WWOX: variants seen among roughly 807,000 people sequenced by gnomAD.
WWOX encodes WW domain-containing oxidoreductase.
Under a neutral mutation model 46.2 loss-of-function variants are expected in WWOX, and 69 were observed. That is an observed-to-expected ratio of 1.49 (90% CI 1.23 to 1.82). The LOEUF (loss-of-function observed/expected upper bound fraction) is 1.82. WWOX is among the 40% of genes most tolerant of loss of function. The pLI is 0.00. For missense variants in WWOX, 919 were observed against 542.6 expected, an observed-to-expected ratio of 1.69 and a Z score of -6.89; for synonymous variants, 359 against 202.6, an observed-to-expected ratio of 1.77 and a Z score of -6.56.
rs555354049 is a variant in WWOX at position 78,699,006 on chromosome 16, C to CT, written c.1056+266262dup. ...TTATTCTAGAATAGGACTTGACAGA[C>CT]TTTTTTTTAAATAAAATGCCAGATA... On this transcript the variant is annotated intron_variant, in intron 8 of 8. Coordinates refer to ENST00000566780, the MANE Select transcript of WWOX (RefSeq NM_016373.4). Among the ~76,000 whole-genome samples, 682 of 152,244 alleles carry CT rather than the reference C, an allele frequency of 4.5e-3. 3 individuals are homozygous for CT. The highest frequency in any genetic ancestry group is 0.016 in the African/African-American group (645 of 41,512).
chr16:78,527,122 C>G (rs1378257612), intron 8 of WWOX, among the ~76,000 whole-genome samples: 1 of 152,064 alleles, frequency 6.6e-6, no homozygotes, highest in African/African-American at 2.4e-5. Flanking sequence ...GAGATCATGC[C>G]ATTGCACTCC....
At chr16:78,850,663 C>T (rs908866987) in intron 8 of WWOX, among the ~76,000 whole-genome samples, 8 of 152,128 alleles carry the variant, frequency 5.3e-5, no homozygotes, top group Admixed American at 2.0e-4. Context: ...TATGTAATGA[C>T]GAGCCTCATC....
chr16:78,831,492 TAC>T (rs1386856687), intron 8 of WWOX, among the ~76,000 whole-genome samples: 1 of 152,190 alleles, frequency 6.6e-6, no homozygotes, highest in Non-Finnish European at 1.5e-5. Flanking sequence ...GCTTTGAGTA[TAC>T]ACTGGTACCC....
At chr16:78,422,762 T>TATATATACACAC (rs1567563506) in intron 6 of WWOX, among the ~76,000 whole-genome samples, 4 of 111,968 alleles carry the variant, frequency 3.6e-5, no homozygotes, top group African/African-American at 1.1e-4. Flanking sequence ...TATATACACA[T>TATATATACACAC]ATATATACAC....
At chr16:78,352,327 C>T (rs1055484622) in intron 5 of WWOX, among the ~76,000 whole-genome samples, 1 of 152,178 alleles carries the variant, frequency 6.6e-6, no homozygotes, top group Non-Finnish European at 1.5e-5. Context: ...TTACACTTTA[C>T]AGTTTTGGAG....
intron 1 of WWOX, chr16:78,100,204 C>T (rs2031670998): frequency 8.4e-7 from 1 of 1,188,502 alleles, no homozygotes; most frequent in Non-Finnish European, 1.1e-6. Flanking sequence ...AGCGCACATG[C>T]TCAGCTCCCT....
intron 8 of WWOX, among the ~76,000 whole-genome samples, chr16:78,493,933 A>G (rs993886322): frequency 6.6e-6 from 1 of 152,198 alleles, no homozygotes; most frequent in Non-Finnish European, 1.5e-5. Context: ...AGAAGTTTAT[A>G]ATAATTGGAA....
In WWOX at chr16:78,724,309, T is replaced by C. The variant is rs574385309; in HGVS notation, c.1056+291557T>C. On this transcript the variant is annotated intron_variant, in intron 8 of 8. Coordinates refer to ENST00000566780, the MANE Select transcript of WWOX (RefSeq NM_016373.4). ...ATACAGTAGTTGGATTCATTATCTC[T>C]GTGATTAACTTGCATAAAAAAGAGA... 2.0e-5 allele frequency among the ~76,000 whole-genome samples: 3 copies of C among 152,338 alleles called. No individual in the cohort carries two copies. In the South Asian group the frequency reaches 6.2e-4, roughly 32 times the overall value.
chr16:78,957,474 G>A (rs576410628), intron 8 of WWOX, among the ~76,000 whole-genome samples: 20 of 152,256 alleles, frequency 1.3e-4, no homozygotes, highest in African/African-American at 3.6e-4. Context: ...TAGGGATGTC[G>A]CCTGTGTTTG....
chr16:78,261,782 ATCTATC>A (rs2079242401), intron 5 of WWOX, among the ~76,000 whole-genome samples: 45 of 43,442 alleles, frequency 1.0e-3, no homozygotes, highest in East Asian at 8.2e-3. Flanking sequence ...GTATCTATCT[ATCTATC>A]TATATATATA....
Position 78,777,955 on chromosome 16 carries a change from G to A in WWOX, c.1056+345203G>A, listed in dbSNP as rs139838947. ...AACTGCTCAGAATGCTAAGGTAGGA[G>A]AATCGCTTGAACCCAGGAGGTGGAA... is the stretch of plus-strand genomic sequence containing the variant. On this transcript the variant is annotated intron_variant, in intron 8 of 8. Transcript: ENST00000566780. Among the ~76,000 whole-genome samples, 567 of 145,936 alleles carry A rather than the reference G, an allele frequency of 3.9e-3. 6 individuals are homozygous for A. Among genetic ancestry groups the A allele is most frequent in the African/African-American group, 0.014 (552 of 39,584 alleles).
At chr16:78,985,335 C>G (rs888337351) in intron 8 of WWOX, among the ~76,000 whole-genome samples, 1 of 152,194 alleles carries the variant, frequency 6.6e-6, no homozygotes, top group African/African-American at 2.4e-5. Flanking sequence ...CACCGGCACG[C>G]AGGGTGTTGT....
At chr16:78,533,776 T>G (rs116060452) in intron 8 of WWOX, among the ~76,000 whole-genome samples, 2,163 of 152,286 alleles carry the variant, frequency 0.014, 22 homozygotes, top group African/African-American at 0.027. Context: ...GATGAAGTTG[T>G]AGGCCCCTCC....
chr16:78,938,269 A>G lies in WWOX; in HGVS notation c.1057-273339A>G, dbSNP rs111719165. Among the ~76,000 whole-genome samples the G allele has an allele frequency of 6.5e-3, 984 of 152,310 alleles. 18 individuals carry two copies. Among genetic ancestry groups the G allele is most frequent in the African/African-American group, 0.022 (919 of 41,560 alleles). ...GGTGAGGTGGGGAAAGACAGGAAGT[A>G]GATCAGTGTTGCCCAGACCCTACCT... On this transcript the variant is annotated intron_variant, in intron 8 of 8. Transcript: ENST00000566780.
At chr16:78,822,627 G>T (rs750186710) in intron 8 of WWOX, among the ~76,000 whole-genome samples, 5 of 152,138 alleles carry the variant, frequency 3.3e-5, no homozygotes, top group South Asian at 2.1e-4. Context: ...CAGTGGTCAC[G>T]TGTTCCTAAT....
At chr16:79,160,172 A>G (rs1350745748) in intron 8 of WWOX, among the ~76,000 whole-genome samples, 3 of 152,210 alleles carry the variant, frequency 2.0e-5, no homozygotes, top group Non-Finnish European at 4.4e-5. Context: ...CCAAATGAAC[A>G]CTGGTCTGTT....
chr16:78,787,781 C>T (rs1486669734), intron 8 of WWOX, among the ~76,000 whole-genome samples: 1 of 152,190 alleles, frequency 6.6e-6, no homozygotes, highest in African/African-American at 2.4e-5. Flanking sequence ...TATATTTCCA[C>T]TTGCAGTATA....
chr16:79,095,972 C>G (rs527914576), intron 8 of WWOX, among the ~76,000 whole-genome samples: 1 of 149,014 alleles, frequency 6.7e-6, no homozygotes, highest in Non-Finnish European at 1.5e-5. Flanking sequence ...ACCTCAGCCT[C>G]CCTAGTAGCT....
intron 8 of WWOX, among the ~76,000 whole-genome samples, chr16:78,656,932 G>A (rs2047094716): frequency 1.3e-5 from 2 of 152,194 alleles, no homozygotes; most frequent in Non-Finnish European, 2.9e-5. Flanking sequence ...CCGCTGCTCT[G>A]ACCATCATGG....
Sources: allele counts gnomAD v4.1 joint callset (sites outside exome capture counted in the v4.1 genomes callset), GRCh38; gene constraint gnomAD v4.1.1; transcripts MANE v1.5; gene names NCBI Gene and HGNC (gene_info 2026-07-23, HGNC 2026-07-21).